CHRM3: variants seen among roughly 807,000 people sequenced by gnomAD.
CHRM3 encodes the protein muscarinic acetylcholine receptor M3.
A neutral mutation model predicts 41.8 loss-of-function variants in CHRM3; 11 were observed. The observed-to-expected ratio is 0.26, with a 90% CI of 0.17 to 0.44. CHRM3 has a LOEUF of 0.44. CHRM3 is among the 20% of genes least tolerant of loss of function. The pLI is 1.00. For synonymous variants in CHRM3, 297 were observed against 301.4 expected (o/e 0.99, Z 0.15); for missense variants, 571 against 745.4 (o/e 0.77, Z 2.72).
intron 4 of CHRM3, among the ~76,000 whole-genome samples, chr1:239,669,165 G>C (rs1043137249): frequency 4.6e-5 from 7 of 152,118 alleles, no homozygotes; most frequent in Non-Finnish European, 1.0e-4. Context: ...TCTTAGCTTG[G>C]AGCCAGCGTT....
chr1:239,661,198 A>G (rs1047239093), intron 4 of CHRM3, among the ~76,000 whole-genome samples: 44 of 152,312 alleles, frequency 2.9e-4, no homozygotes, highest in Middle Eastern at 3.4e-3. Flanking sequence ...TGATGTTAAC[A>G]TTTGTATTGT....
intron 5 of CHRM3, among the ~76,000 whole-genome samples, chr1:239,810,092 C>T (rs1327356157): frequency 1.3e-5 from 2 of 151,462 alleles, no homozygotes; most frequent in African/African-American, 4.9e-5. Flanking sequence ...TGTTGATCTG[C>T]GTGTGCCAAG....
chr1:239,901,560 C>A (rs1254844306), intron 6 of CHRM3, among the ~76,000 whole-genome samples: 1 of 152,130 alleles, frequency 6.6e-6, no homozygotes, highest in African/African-American at 2.4e-5. Context: ...CATGTACAAT[C>A]TTTAGTATAC....
chr1:239,674,309 T>C (rs1048807950), intron 4 of CHRM3, among the ~76,000 whole-genome samples: 6 of 152,110 alleles, frequency 3.9e-5, no homozygotes, highest in Non-Finnish European at 8.8e-5. Flanking sequence ...CACTAGAAAA[T>C]ATAAATTTAT....
At chr1:239,859,819 T>TTATATATATATATATATATA (rs55700294) in intron 6 of CHRM3, among the ~76,000 whole-genome samples, 6 of 131,422 alleles carry the variant, frequency 4.6e-5, no homozygotes, top group South Asian at 2.4e-4. Flanking sequence ...TCTAAGTGTT[T>TTATATATATATATATATATA]TATATATATA....
chr1:239,649,122 G>T (rs553075616), intron 4 of CHRM3, among the ~76,000 whole-genome samples: 92 of 152,234 alleles, frequency 6.0e-4, no homozygotes, highest in Admixed American at 1.3e-3. Context: ...GAATGTTTCT[G>T]TTCCCCTAAA....
chr1:239,478,004 G>A (rs1666580387), intron 1 of CHRM3, among the ~76,000 whole-genome samples: 1 of 152,200 alleles, frequency 6.6e-6, no homozygotes, highest in South Asian at 2.1e-4. Context: ...TGATAATCCA[G>A]GAGTAGGGCT....
intron 6 of CHRM3, among the ~76,000 whole-genome samples, chr1:239,896,299 A>T (rs1003073221): frequency 6.6e-6 from 1 of 152,192 alleles, no homozygotes; most frequent in Middle Eastern, 3.2e-3. Context: ...CTACCACCAC[A>T]TCAACTCAAG....
intron 5 of CHRM3, among the ~76,000 whole-genome samples, chr1:239,776,448 A>G (rs1454997608): frequency 6.6e-6 from 1 of 152,210 alleles, no homozygotes; most frequent in African/African-American, 2.4e-5. Context: ...AGGACTGTTC[A>G]GTATATTCTC....
intron 2 of CHRM3, among the ~76,000 whole-genome samples, chr1:239,497,832 G>A (rs1361672167): frequency 6.6e-6 from 1 of 152,196 alleles, no homozygotes; most frequent in Non-Finnish European, 1.5e-5. Context: ...AGTGGACATG[G>A]CTAGGGGGCA....
At chr1:239,432,800 A>G (rs867456478) in intron 1 of CHRM3, among the ~76,000 whole-genome samples, 2 of 152,238 alleles carry the variant, frequency 1.3e-5, no homozygotes, top group South Asian at 2.1e-4. Context: ...TCTAAGGATC[A>G]TATTGGCCTG....
chr1:239,685,099 G>C (rs1274549686), intron 5 of CHRM3, among the ~76,000 whole-genome samples: 1 of 152,018 alleles, frequency 6.6e-6, no homozygotes, highest in Non-Finnish European at 1.5e-5. Context: ...GATTTCACAG[G>C]GCATTTCGGC....
chr1:239,747,364 T>G (rs1023574963), intron 5 of CHRM3, among the ~76,000 whole-genome samples: 6 of 152,158 alleles, frequency 3.9e-5, no homozygotes, highest in Admixed American at 1.3e-4. Flanking sequence ...AGTTCAAGTT[T>G]GTAGTAAGTC....
At chr1:239,709,903 A>G (rs1160972814) in intron 5 of CHRM3, among the ~76,000 whole-genome samples, 1 of 152,204 alleles carries the variant, frequency 6.6e-6, no homozygotes, top group Non-Finnish European at 1.5e-5. Context: ...TAATATCCAC[A>G]TTATTTAAGT....
chr1:239,606,486 G>A (rs1666303679), intron 3 of CHRM3, among the ~76,000 whole-genome samples: 1 of 152,180 alleles, frequency 6.6e-6, no homozygotes, highest in Admixed American at 6.5e-5. Flanking sequence ...ATGTTGGCCA[G>A]GCTGGTCTCA....
chr1:239,512,950 G>A (rs533870139), intron 2 of CHRM3, among the ~76,000 whole-genome samples: 180 of 152,184 alleles, frequency 1.2e-3, no homozygotes, highest in Non-Finnish European at 1.9e-3. Context: ...CTCCCTTTGT[G>A]CTAAAGCAAG....
intron 1 of CHRM3, among the ~76,000 whole-genome samples, chr1:239,472,766 T>A (rs1218192756): frequency 6.6e-6 from 1 of 152,082 alleles, no homozygotes; most frequent in Admixed American, 6.6e-5. Context: ...GAAAAATAGC[T>A]AATGCATGCT....
intron 6 of CHRM3, among the ~76,000 whole-genome samples, chr1:239,882,503 G>C (rs1013504972): frequency 2.0e-5 from 3 of 152,132 alleles, no homozygotes; most frequent in African/African-American, 7.2e-5. Context: ...CTATGAGATA[G>C]GTGCTGTTAT....
intron 2 of CHRM3, among the ~76,000 whole-genome samples, chr1:239,524,732 G>A (rs1669878689): frequency 1.3e-5 from 2 of 152,206 alleles, no homozygotes; most frequent in South Asian, 4.1e-4. Flanking sequence ...TAAAAGCTAA[G>A]TGAATTCTTT....
Sources: allele counts gnomAD v4.1 joint callset (sites outside exome capture counted in the v4.1 genomes callset), GRCh38; gene constraint gnomAD v4.1.1; transcripts MANE v1.5; gene names NCBI Gene and HGNC (gene_info 2026-07-23, HGNC 2026-07-21).